LOC128092252: variants seen among roughly 807,000 people sequenced by gnomAD.
At chr15:50,655,850 C>A in the LOC128092252 span, among the ~76,000 whole-genome samples, 2 of 151,990 alleles carry the variant, frequency 1.3e-5, no homozygotes, top group African/African-American at 2.4e-5. Context: ...ATTAGCCAGG[C>A]ATGGTGGTGT....
chr15:50,667,353 T>C, the LOC128092252 span, among the ~76,000 whole-genome samples: 1 of 152,204 alleles, frequency 6.6e-6, no homozygotes, highest in Non-Finnish European at 1.5e-5. Context: ...CTCCCGCCTA[T>C]GTATTTATAT....
At chr15:50,662,367 T>A in the LOC128092252 span, among the ~76,000 whole-genome samples, 1 of 150,602 alleles carries the variant, frequency 6.6e-6, no homozygotes, top group East Asian at 1.9e-4. Context: ...TTGGCAAAAA[T>A]GTTTAAGTAA....
the LOC128092252 span, among the ~76,000 whole-genome samples, chr15:50,685,535 T>C: frequency 6.6e-6 from 1 of 152,242 alleles, no homozygotes; most frequent in Non-Finnish European, 1.5e-5. Flanking sequence ...TACATTTGTG[T>C]TATAAGTAAA....
chr15:50,656,122 T>C, the LOC128092252 span, among the ~76,000 whole-genome samples: 1 of 152,004 alleles, frequency 6.6e-6, no homozygotes. Flanking sequence ...TAGACCAAAC[T>C]GAGAAAATTC....
At chr15:50,670,240 G>T in the LOC128092252 span, among the ~76,000 whole-genome samples, 1 of 152,076 alleles carries the variant, frequency 6.6e-6, no homozygotes, top group African/African-American at 2.4e-5. Flanking sequence ...TATAAAAGAA[G>T]GGGGGAAACG....
the LOC128092252 span, among the ~76,000 whole-genome samples, chr15:50,671,118 C>T: frequency 3.3e-5 from 5 of 152,134 alleles, no homozygotes; most frequent in African/African-American, 1.2e-4. Flanking sequence ...TGTTATTTAG[C>T]GTAGTCACCA....
the LOC128092252 span, among the ~76,000 whole-genome samples, chr15:50,666,832 A>G: frequency 1.3e-5 from 2 of 152,180 alleles, no homozygotes; most frequent in Non-Finnish European, 2.9e-5. Flanking sequence ...TGGAGGTGGC[A>G]GCACAAGTAA....
At chr15:50,652,532 A>C in the LOC128092252 span, among the ~76,000 whole-genome samples, 7 of 151,676 alleles carry the variant, frequency 4.6e-5, no homozygotes, top group Non-Finnish European at 1.0e-4. Context: ...TCTCAAAAAA[A>C]AAAAAAAAAA....
the LOC128092252 span, among the ~76,000 whole-genome samples, chr15:50,666,055 A>G: frequency 3.9e-5 from 6 of 152,340 alleles, no homozygotes; most frequent in Admixed American, 1.3e-4. Context: ...CTTTAAAAAC[A>G]TATTGAAAGA....
the LOC128092252 span, among the ~76,000 whole-genome samples, chr15:50,673,056 G>C: frequency 1.3e-5 from 2 of 151,818 alleles, no homozygotes; most frequent in African/African-American, 4.8e-5. Flanking sequence ...GTTACAGTAA[G>C]CTAGCGTTAA....
chr15:50,684,759 T>C, the LOC128092252 span, among the ~76,000 whole-genome samples: 1 of 152,300 alleles, frequency 6.6e-6, no homozygotes, highest in African/African-American at 2.4e-5. Context: ...ATGATGGGTT[T>C]CTTTCAACAA....
chr15:50,682,173 C>CAAAAAA, the LOC128092252 span, among the ~76,000 whole-genome samples: 3,620 of 63,376 alleles, frequency 0.057, 245 homozygotes, highest in African/African-American at 0.11. Context: ...AACTCAGTCT[C>CAAAAAA]AAAAAAAAAA....
the LOC128092252 span, among the ~76,000 whole-genome samples, chr15:50,673,818 G>A: frequency 6.6e-6 from 1 of 152,096 alleles, no homozygotes; most frequent in African/African-American, 2.4e-5. Context: ...GTATCAAATG[G>A]TATCCTAAGG....
At chr15:50,686,052 C>T in the LOC128092252 span, among the ~76,000 whole-genome samples, 71 of 152,360 alleles carry the variant, frequency 4.7e-4, no homozygotes, top group African/African-American at 1.6e-3. Context: ...AACCCGTGTC[C>T]TCTACCCCCT....
chr15:50,653,222 G>A, the LOC128092252 span, among the ~76,000 whole-genome samples: 54 of 152,268 alleles, frequency 3.5e-4, no homozygotes, highest in African/African-American at 1.3e-3. Flanking sequence ...AGGCATAAGT[G>A]GGAGCATAGC....
the LOC128092252 span, among the ~76,000 whole-genome samples, chr15:50,659,631 A>G: frequency 6.6e-6 from 1 of 152,098 alleles, no homozygotes; most frequent in Admixed American, 6.6e-5. Context: ...TGGAATTAAT[A>G]AAACTATAGA....
At chr15:50,679,538 ATTTTTT>A in the LOC128092252 span, among the ~76,000 whole-genome samples, 649 of 43,904 alleles carry the variant, frequency 0.015, 11 homozygotes, top group Middle Eastern at 0.029. Context: ...ATATATATAT[ATTTTTT>A]TTTTTTTTTG....
chr15:50,649,778 A>G, the LOC128092252 span, among the ~76,000 whole-genome samples: 1 of 152,184 alleles, frequency 6.6e-6, no homozygotes, highest in African/African-American at 2.4e-5. Flanking sequence ...AATCTTAAAA[A>G]TCAGATGAGA....
chr15:50,661,904 T>C, the LOC128092252 span, among the ~76,000 whole-genome samples: 1 of 152,220 alleles, frequency 6.6e-6, no homozygotes, highest in African/African-American at 2.4e-5. Context: ...TAAGTTTTTT[T>C]CTATCTTTAG....
Sources: allele counts gnomAD v4.1 joint callset (sites outside exome capture counted in the v4.1 genomes callset), GRCh38; gene constraint gnomAD v4.1.1; transcripts MANE v1.5.